The following GBF1 variants were observed in gnomAD, a reference collection of about 807,000 sequenced individuals.
The protein encoded by GBF1 is Golgi-specific brefeldin A-resistance guanine nucleotide exchange factor 1.
Under a neutral mutation model 210.5 loss-of-function variants are expected in GBF1, and 114 were observed. The observed-to-expected ratio is 0.54, with a 90% confidence interval of 0.47 to 0.63. The LOEUF (loss-of-function observed/expected upper bound fraction) is 0.63, where lower values mean the gene tolerates loss of function less well. Ranked by LOEUF, GBF1 falls within the 30% of genes least tolerant of loss-of-function variation. The probability of loss-of-function intolerance (pLI) is 0.00; values close to 1 mark genes in which losing one functional copy is unlikely to be tolerated. For synonymous variants in GBF1, 850 were observed against 889.2 expected (o/e 0.96, Z 0.78); for missense variants, 1,851 against 2,357.7 (o/e 0.79, Z 4.45).
At chr10:102,349,730 T>C (rs1341784886) in intron 4 of GBF1, among the ~76,000 whole-genome samples, 2 of 152,164 alleles carry the variant, frequency 1.3e-5, no homozygotes, top group African/African-American at 4.8e-5. Flanking sequence ...GAAAGGATCC[T>C]TCAGAGCAGA....
At position 102,379,505 on chromosome 10, in the gene GBF1, C is replaced by T. The variant is rs1422642147; in HGVS notation, c.4646-16C>T. ...TCAAGATGCCTGAAGGATCCTGACC[C>T]TGCTCTTGCTCTCAGGTATTGCCTG... On this transcript the variant is annotated splice_polypyrimidine_tract_variant and intron_variant, in intron 34 of 39. Coordinates refer to ENST00000369983, the MANE Select transcript of GBF1 (RefSeq NM_001377137.1). The T allele has an allele frequency of 1.2e-6, 2 of 1,614,008 alleles. No individual in the cohort carries two copies. Among genetic ancestry groups the T allele is most frequent in the African/African-American group, 2.7e-5 (2 of 74,914 alleles).
chr10:102,286,194 G>GTTTTTTTTTTTTTT (rs55904022), intron 3 of GBF1, among the ~76,000 whole-genome samples: 3 of 126,356 alleles, frequency 2.4e-5, no homozygotes, highest in African/African-American at 1.0e-4. Context: ...AAGCATAAGG[G>GTTTTTTTTTTTTTT]TTTTTTTTTT....
chr10:102,294,073 C>T lies in GBF1; in HGVS notation c.163+33957C>T, dbSNP rs925391684. Among the ~76,000 whole-genome samples, 5 of 151,484 alleles carry T rather than the reference C, an allele frequency of 3.3e-5. No homozygotes were observed. In the South Asian group the frequency reaches 8.4e-4, roughly 25 times the overall value. ...AATTACAGGCATGAGCCACCATGCC[C>T]GGGCTGTAGTATGTATGTTTTAAGC... On this transcript the variant is annotated intron_variant, in intron 3 of 39. Transcript: ENST00000369983.
intron 3 of GBF1, among the ~76,000 whole-genome samples, chr10:102,341,387 T>G (rs182381611): frequency 4.6e-5 from 7 of 152,356 alleles, no homozygotes; most frequent in Admixed American, 4.6e-4. Flanking sequence ...GAAAAGAGTT[T>G]GACAGTAAAG....
chr10:102,333,991 G>C (rs2057535384), intron 3 of GBF1, among the ~76,000 whole-genome samples: 1 of 152,154 alleles, frequency 6.6e-6, no homozygotes, highest in Non-Finnish European at 1.5e-5. Context: ...TGTTAGAGGG[G>C]TAAATGAACT....
At chr10:102,336,907 C>G (rs942773126) in intron 3 of GBF1, among the ~76,000 whole-genome samples, 2 of 152,138 alleles carry the variant, frequency 1.3e-5, no homozygotes, top group African/African-American at 4.8e-5. Flanking sequence ...CCCTAGAAAA[C>G]TGATGCAGCC....
At chr10:102,267,945 T>C (rs541252020) in intron 3 of GBF1, among the ~76,000 whole-genome samples, 1 of 152,204 alleles carries the variant, frequency 6.6e-6, no homozygotes, top group African/African-American at 2.4e-5. Flanking sequence ...GTAACTTGAG[T>C]GGCCACAGAC....
intron 3 of GBF1, among the ~76,000 whole-genome samples, chr10:102,269,507 A>C (rs1396741731): frequency 6.6e-6 from 1 of 152,198 alleles, no homozygotes; most frequent in African/African-American, 2.4e-5. Context: ...GAAAAGGATC[A>C]AAAGCACTTC....
chr10:102,266,591 C>A (rs2073897526), intron 3 of GBF1, among the ~76,000 whole-genome samples: 1 of 152,296 alleles, frequency 6.6e-6, no homozygotes, highest in Middle Eastern at 3.4e-3. Flanking sequence ...GAATGGATGA[C>A]CATGAGTGAG....
At chr10:102,296,596 G>C (rs1251038112) in intron 3 of GBF1, among the ~76,000 whole-genome samples, 2 of 152,130 alleles carry the variant, frequency 1.3e-5, no homozygotes, top group African/African-American at 4.8e-5. Context: ...GACAAAATTA[G>C]CCGGGCTTAG....
intron 3 of GBF1, among the ~76,000 whole-genome samples, chr10:102,340,977 TAA>T (rs1220210189): frequency 6.6e-6 from 1 of 151,838 alleles, no homozygotes; most frequent in Non-Finnish European, 1.5e-5. Flanking sequence ...TCATCAAGAG[TAA>T]AAGTGTCTGT....
At chr10:102,380,730 G>A (rs373357497) in intron 38 of GBF1, 44 bp downstream of exon 38, 2 of 1,481,090 alleles carry the variant, frequency 1.4e-6, no homozygotes, top group African/African-American at 1.4e-5. Flanking sequence ...TCTCCTGCCT[G>A]GGCACAATGG....
intron 3 of GBF1, among the ~76,000 whole-genome samples, chr10:102,266,915 G>GT (rs1457992963): frequency 6.6e-6 from 1 of 152,202 alleles, no homozygotes; most frequent in Non-Finnish European, 1.5e-5. Flanking sequence ...AAACACACCT[G>GT]TAGGGTACTG....
intron 3 of GBF1, among the ~76,000 whole-genome samples, chr10:102,272,773 G>C (rs1188300289): frequency 2.0e-5 from 3 of 152,212 alleles, no homozygotes; most frequent in Non-Finnish European, 4.4e-5. Flanking sequence ...GCAGTTTTCA[G>C]ATTCAGAAGT....
chr10:102,261,305 C>A (rs907198271), intron 3 of GBF1, among the ~76,000 whole-genome samples: 1 of 151,748 alleles, frequency 6.6e-6, no homozygotes, highest in Non-Finnish European at 1.5e-5. Context: ...TATACACTGG[C>A]AGGAAAGGAG....
chr10:102,350,707 C>T (rs2058898466), intron 4 of GBF1, among the ~76,000 whole-genome samples: 1 of 152,096 alleles, frequency 6.6e-6, no homozygotes, highest in African/African-American at 2.4e-5. Context: ...TCTGGGCATA[C>T]AAAATCAAAA....
chr10:102,380,597 C>T lies in GBF1; in HGVS notation c.5084C>T (p.Pro1695Leu). The T allele has an allele frequency of 1.2e-6, 2 of 1,613,908 alleles. No individual in the cohort carries two copies. Among genetic ancestry groups the T allele is most frequent in the Non-Finnish European group, 1.7e-6 (2 of 1,179,892 alleles). ...FHSADARGGG[P>L]SALWEITWER... ...AGTGCAGATGCACGGGGAGGCGGCC[C>T]CTCGGCCCTCTGGGAGATCACCTGG... Residue 1695 changes from proline (P) to leucine (L), a missense_variant, in exon 38 of 40, where the codon CCC becomes CTC. Pro to Leu is a moderately conservative substitution (Grantham distance 98). This residue lies in a region of GBF1 where 967 missense variants were observed against 1,247.7 expected (regional missense o/e 0.78). Coordinates refer to ENST00000369983, the MANE Select transcript of GBF1 (RefSeq NM_001377137.1).
intron 3 of GBF1, among the ~76,000 whole-genome samples, chr10:102,339,871 C>T (rs1356568638): frequency 6.6e-6 from 1 of 152,088 alleles, no homozygotes; most frequent in East Asian, 1.9e-4. Flanking sequence ...ACTGCAGCCT[C>T]AGCCTCCCAG....
chr10:102,283,254 T>G (rs1164356700), intron 3 of GBF1, among the ~76,000 whole-genome samples: 1 of 152,216 alleles, frequency 6.6e-6, no homozygotes, highest in African/African-American at 2.4e-5. Flanking sequence ...CCGTTTATGC[T>G]TTTATTATAT....
Sources: allele counts gnomAD v4.1 joint callset (sites outside exome capture counted in the v4.1 genomes callset), GRCh38; gene constraint gnomAD v4.1.1; regional missense constraint gnomAD v4.1.1; transcripts MANE v1.5; gene names NCBI Gene and HGNC (gene_info 2026-07-23, HGNC 2026-07-21).